The following GABRA2 variants were observed in gnomAD, a reference collection of about 807,000 sequenced individuals.
GABRA2 encodes gamma-aminobutyric acid receptor subunit alpha-2.
A neutral mutation model predicts 48.7 loss-of-function variants in GABRA2; 16 were observed. The observed-to-expected ratio is 0.33, with a 90% CI of 0.22 to 0.50. GABRA2 has a LOEUF of 0.50. GABRA2 is among the 20% of genes least tolerant of loss of function. GABRA2 has a pLI of 0.98. For synonymous variants in GABRA2, 185 were observed against 184.5 expected (o/e 1.00, Z -0.02); for missense variants, 275 against 535.6 (o/e 0.51, Z 4.80).
intron 4 of GABRA2, among the ~76,000 whole-genome samples, chr4:46,327,915 G>A (rs1730665975): frequency 6.6e-6 from 1 of 151,932 alleles, no homozygotes; most frequent in South Asian, 2.1e-4. Context: ...AACCATTTGG[G>A]CTGAGGTTCT....
intron 6 of GABRA2, among the ~76,000 whole-genome samples, chr4:46,307,984 T>C (rs1041064436): frequency 1.3e-5 from 2 of 152,132 alleles, no homozygotes; most frequent in African/African-American, 4.8e-5. Flanking sequence ...TTTACAAAAT[T>C]CATTATAAAT....
chr4:46,357,835 AT>A (rs985191655), intron 3 of GABRA2, among the ~76,000 whole-genome samples: 1 of 151,396 alleles, frequency 6.6e-6, no homozygotes, highest in African/African-American at 2.4e-5. Context: ...TAATTTTTGT[AT>A]TTTTAGTAGA....
intron 8 of GABRA2, among the ~76,000 whole-genome samples, chr4:46,266,224 C>T (rs781463682): frequency 6.4e-4 from 95 of 149,414 alleles, no homozygotes; most frequent in Non-Finnish European, 1.1e-3. Flanking sequence ...TAGTTATATT[C>T]ATTTTTAATG....
At chr4:46,297,438 C>T (rs563262109) in intron 8 of GABRA2, among the ~76,000 whole-genome samples, 1 of 128,798 alleles carries the variant, frequency 7.8e-6, no homozygotes, top group Non-Finnish European at 1.6e-5. Context: ...ATTGTGGGAC[C>T]TTGTGTTCAT....
chr4:46,344,603 G>A lies in GABRA2; in HGVS notation c.188-11921C>T, dbSNP rs935118837. ...GATGGGAAAGACTGAGGTTGAAAGG[G>A]AGAAGCTGAATATACAGGAGAGAGA... is the stretch of plus-strand genomic sequence containing the variant. On this transcript the variant is annotated intron_variant, in intron 3 of 9. Coordinates refer to ENST00000381620, the MANE Select transcript of GABRA2 (RefSeq NM_000807.4). Among the ~76,000 whole-genome samples the A allele has an allele frequency of 2.0e-5, 3 of 151,824 alleles. No homozygotes were observed. In the Admixed American group the frequency reaches 2.0e-4, roughly 10 times the overall value.
chr4:46,344,938 G>A lies in GABRA2; in HGVS notation c.188-12256C>T, dbSNP rs540726090. 2.6e-3 allele frequency among the ~76,000 whole-genome samples: 389 copies of A among 151,914 alleles called. 1 individual carries two copies. Among genetic ancestry groups the A allele is most frequent in the Non-Finnish European group, 4.1e-3 (279 of 67,888 alleles). ...TCCTATTAATAAAATGTAAAATATTGTATATCCATATGATATGGGTTGGCT... is the reference window on the plus strand; with the variant it reads ...TCCTATTAATAAAATGTAAAATATTATATATCCATATGATATGGGTTGGCT... On this transcript the variant is annotated intron_variant, in intron 3 of 9. Transcript: ENST00000381620.
intron 3 of GABRA2, among the ~76,000 whole-genome samples, chr4:46,343,516 C>T (rs1264328356): frequency 6.6e-6 from 1 of 151,160 alleles, no homozygotes; most frequent in Non-Finnish European, 1.5e-5. Flanking sequence ...ACTGCAGATT[C>T]AAAGATATTG....
At chr4:46,307,326 G>A (rs548430608) in intron 6 of GABRA2, among the ~76,000 whole-genome samples, 1 of 151,242 alleles carries the variant, frequency 6.6e-6, no homozygotes. Context: ...ATATTCTGGC[G>A]CTCTCTTCAA....
At chr4:46,366,971 A>G (rs545048646) in intron 3 of GABRA2, 1 of 152,186 alleles carries the variant, frequency 6.6e-6, no homozygotes, top group South Asian at 2.1e-4. Context: ...TGTTGTATGC[A>G]TTACAGATGA....
At chr4:46,289,623 G>A (rs535347612) in intron 8 of GABRA2, among the ~76,000 whole-genome samples, 1 of 152,254 alleles carries the variant, frequency 6.6e-6, no homozygotes, top group East Asian at 1.9e-4. Context: ...CCTGGGTAAT[G>A]AAATAATCTG....
At chr4:46,261,354 G>A in intron 9 of GABRA2, 1 of 153,212 alleles carries the variant, frequency 6.5e-6, no homozygotes, top group Admixed American at 6.5e-5. Flanking sequence ...TTAAAAAAAT[G>A]CTATCCGGGC....
At chr4:46,380,250 T>C (rs1578233852) in intron 3 of GABRA2, among the ~76,000 whole-genome samples, 1 of 152,238 alleles carries the variant, frequency 6.6e-6, no homozygotes, top group East Asian at 1.9e-4. Context: ...ATCGTGAAGA[T>C]AAATGCATCA....
At chr4:46,357,025 G>GT (rs988022490) in intron 3 of GABRA2, among the ~76,000 whole-genome samples, 6 of 150,896 alleles carry the variant, frequency 4.0e-5, no homozygotes, top group African/African-American at 1.5e-4. Context: ...TTGTTTGTTT[G>GT]TTTTTTGCTT....
In GABRA2 at chr4:46,296,812, C is replaced by T. The variant is rs112702863; in HGVS notation, c.856+6648G>A. Among the ~76,000 whole-genome samples the T allele has an allele frequency of 1.7e-3, 257 of 152,188 alleles. 1 individual carries two copies. Among genetic ancestry groups the T allele is most frequent in the African/African-American group, 5.3e-3 (222 of 41,538 alleles). ...TAATTGTCATGACCATTTCCTCTTT[C>T]GTTTGTTAAAAATGTTTGTGCATGT... On this transcript the variant is annotated intron_variant, in intron 8 of 9. Transcript: ENST00000381620.
chr4:46,296,655 G>GAAAAAAAAAAAAAAAAAAAAAAAA lies in GABRA2; in HGVS notation c.856+6804_856+6805insTTTTTTTTTTTTTTTTTTTTTTTT, dbSNP rs113049147. On this transcript the variant is annotated intron_variant, in intron 8 of 9. Coordinates refer to ENST00000381620, the MANE Select transcript of GABRA2 (RefSeq NM_000807.4). ...GAAGGTTTGGATTACTCTATCAGGG[G>GAAAAAAAAAAAAAAAAAAAAAAAA]GAAAAAAAAAAAGAAAAAAAAAAAC... 1.6e-5 allele frequency among the ~76,000 whole-genome samples: 2 copies of GAAAAAAAAAAAAAAAAAAAAAAAA among 128,128 alleles called. 1 individual carries two copies. 84.1% of individuals were successfully genotyped at this position (128,128 alleles called of 152,430 possible). A position where few individuals can be genotyped will look rare whatever the true frequency, so the allele number is the denominator to read the frequency against.
At chr4:46,337,224 A>C (rs886776128) in intron 3 of GABRA2, among the ~76,000 whole-genome samples, 2 of 152,138 alleles carry the variant, frequency 1.3e-5, no homozygotes, top group Admixed American at 1.3e-4. Flanking sequence ...TGCCCATAGA[A>C]GCATATTGGA....
intron 8 of GABRA2, among the ~76,000 whole-genome samples, chr4:46,286,746 C>T (rs1387300641): frequency 6.6e-6 from 1 of 151,984 alleles, no homozygotes; most frequent in Non-Finnish European, 1.5e-5. Flanking sequence ...TTGTATACTT[C>T]CTTTTGTGAA....
At chr4:46,331,184 G>A (rs931697088) in intron 4 of GABRA2, among the ~76,000 whole-genome samples, 2 of 152,124 alleles carry the variant, frequency 1.3e-5, no homozygotes, top group Non-Finnish European at 2.9e-5. Flanking sequence ...AGAGTTGAAG[G>A]AGAAAAATAA....
rs147684711 is a variant in GABRA2 at position 46,292,568 on chromosome 4, C to T, written c.856+10892G>A. On this transcript the variant is annotated intron_variant, in intron 8 of 9. Coordinates refer to ENST00000381620, the MANE Select transcript of GABRA2 (RefSeq NM_000807.4). Reference sequence around the variant, plus strand: ...ATCAGGCTGAATTTGTCGATTTGGGCGCACTAAGTAGAGATTCTGCATTTA... The same window carrying T: ...ATCAGGCTGAATTTGTCGATTTGGGTGCACTAAGTAGAGATTCTGCATTTA... Among the ~76,000 whole-genome samples, 8 of 152,162 alleles carry T rather than the reference C, an allele frequency of 5.3e-5. No individual in the cohort carries two copies. The East Asian group carries it at 1.2e-3, about 22-fold the overall frequency.
Sources: allele counts gnomAD v4.1 joint callset (sites outside exome capture counted in the v4.1 genomes callset), GRCh38; gene constraint gnomAD v4.1.1; transcripts MANE v1.5; gene names NCBI Gene and HGNC (gene_info 2026-07-23, HGNC 2026-07-21).